Variants in TPO observed in about 807,000 individuals in gnomAD.
TPO encodes thyroid microsomal antigen.
A neutral mutation model predicts 96.9 loss-of-function variants in TPO; 78 were observed. The observed-to-expected ratio is 0.81, with a 90% CI of 0.67 to 0.97. The LOEUF is 0.97. TPO is among the 50% of genes least tolerant of loss of function. The pLI, the probability that TPO is intolerant of heterozygous loss-of-function variation, is 0.00. For synonymous variants in TPO, 547 were observed against 538.0 expected (o/e 1.02, Z -0.23); for missense variants, 1,252 against 1,274.8 (o/e 0.98, Z 0.27).
At chr2:1,412,529 A>G (rs140711551), upstream of TPO, among the ~76,000 whole-genome samples, 1 of 152,162 alleles carries the variant, frequency 6.6e-6, no homozygotes. Context: ...TGAGGGGAGA[A>G]TGTTAAAGGC....
chr2:1,421,387 A>C (rs953981410), intron 2 of TPO, among the ~76,000 whole-genome samples: 2 of 152,240 alleles, frequency 1.3e-5, no homozygotes, highest in Non-Finnish European at 2.9e-5. Context: ...CCTAAGATGT[A>C]ACTCTGCAGC....
At chr2:1,514,763 C>G (rs1378190951) in intron 14 of TPO, among the ~76,000 whole-genome samples, 1 of 152,200 alleles carries the variant, frequency 6.6e-6, no homozygotes, top group Non-Finnish European at 1.5e-5. Context: ...ATTGAAAATG[C>G]CAAGAAACAA....
intron 9 of TPO, among the ~76,000 whole-genome samples, chr2:1,487,081 G>A (rs1671239129): frequency 6.6e-6 from 1 of 152,236 alleles, no homozygotes; most frequent in Non-Finnish European, 1.5e-5. Flanking sequence ...ACAGGCCGTG[G>A]GGCCTGCTTT....
At chr2:1,413,701 T>C (rs1436710962) in intron 1 of TPO, 156 bp downstream of exon 1, 1 of 985,290 alleles carries the variant, frequency 1.0e-6, no homozygotes, top group Non-Finnish European at 1.2e-6. Context: ...GAGTGCTGTT[T>C]GCAATGACCT....
In TPO at chr2:1,477,623, G is replaced by T; in HGVS notation, c.1338+19G>T. The T allele has an allele frequency of 6.7e-7, 1 of 1,484,342 alleles. No homozygotes were observed. Among genetic ancestry groups the T allele is most frequent in the South Asian group, 1.3e-5 (1 of 76,598 alleles). 91.9% of individuals were successfully genotyped at this position (1,484,342 alleles called of 1,614,324 possible). ...GCACCAGGTGCGCGGGGTGGTCCTG[G>T]GCGCCCTGGGTGGCTGCGGGCAAAG... is the stretch of plus-strand genomic sequence containing the variant. On this transcript the variant is annotated intron_variant, in intron 8 of 16. Transcript: ENST00000329066.
At chr2:1,405,775 CT>C (rs1413171320) in intron 1 of TPO, among the ~76,000 whole-genome samples, 2 of 152,212 alleles carry the variant, frequency 1.3e-5, no homozygotes, top group Non-Finnish European at 2.9e-5. Context: ...CATGTTCACA[CT>C]TGTCAAGCAC....
chr2:1,416,310 T>C (rs899449204), intron 2 of TPO, among the ~76,000 whole-genome samples: 3 of 152,216 alleles, frequency 2.0e-5, no homozygotes, highest in Non-Finnish European at 2.9e-5. Flanking sequence ...ATTAATTACT[T>C]TGTTATTTTA....
intron 7 of TPO, among the ~76,000 whole-genome samples, chr2:1,457,351 T>G (rs1437093648): frequency 8.6e-6 from 1 of 116,884 alleles, no homozygotes; most frequent in African/African-American, 3.1e-5. Context: ...TGATAGTGTG[T>G]GGGCAGATGT....
chr2:1,504,943 G>A (rs1673250175), intron 14 of TPO, among the ~76,000 whole-genome samples: 2 of 152,324 alleles, frequency 1.3e-5, no homozygotes, highest in South Asian at 4.1e-4. Flanking sequence ...CTCAAATGCA[G>A]CAAAGGTAGC....
upstream of TPO, among the ~76,000 whole-genome samples, chr2:1,411,139 AC>A (rs1487883736): frequency 1.3e-5 from 2 of 152,126 alleles, no homozygotes; most frequent in Non-Finnish European, 2.9e-5. Context: ...CCATTCTCAG[AC>A]TTTTCTCCGC....
chr2:1,492,130 G>A (rs1453372195), intron 10 of TPO, among the ~76,000 whole-genome samples: 1 of 150,900 alleles, frequency 6.6e-6, no homozygotes, highest in African/African-American at 2.5e-5. Flanking sequence ...CCTGACAGCA[G>A]TTTTCTAAAA....
intron 15 of TPO, among the ~76,000 whole-genome samples, chr2:1,533,195 A>C (rs1678743049): frequency 3.2e-5 from 1 of 31,246 alleles, no homozygotes; most frequent in Non-Finnish European, 4.9e-5. Flanking sequence ...ACTGTGTGCA[A>C]TCTCCCCATA....
At chr2:1,374,470 T>C (rs1464395757) in intron 1 of TPO, 1 of 152,212 alleles carries the variant, frequency 6.6e-6, no homozygotes, top group Non-Finnish European at 1.5e-5. Context: ...GTTAATCTTT[T>C]GTTGTCATAC....
At chr2:1,403,068 G>C (rs1330007168) in intron 1 of TPO, among the ~76,000 whole-genome samples, 2 of 152,208 alleles carry the variant, frequency 1.3e-5, no homozygotes, top group Non-Finnish European at 2.9e-5. Flanking sequence ...TATGTTTTTA[G>C]AAAGATATAT....
intron 1 of TPO, among the ~76,000 whole-genome samples, chr2:1,402,484 G>A (rs2148376354): frequency 6.6e-6 from 1 of 152,234 alleles, no homozygotes; most frequent in Admixed American, 6.5e-5. Flanking sequence ...TTTCCTCAGT[G>A]AATTAGTCCA....
chr2:1,479,748 C>CTCCTCCTCG (rs1200842918), intron 8 of TPO, among the ~76,000 whole-genome samples: 2 of 149,094 alleles, frequency 1.3e-5, no homozygotes, highest in African/African-American at 2.4e-5. Context: ...CCTCCTTGTC[C>CTCCTCCTCG]TCCTCCTCGT....
chr2:1,526,002 CCA>C (rs1676385957), intron 15 of TPO, among the ~76,000 whole-genome samples: 2 of 141,340 alleles, frequency 1.4e-5, no homozygotes, highest in African/African-American at 2.7e-5. Flanking sequence ...CCCAAATCCC[CCA>C]CTGTGTGCAA....
chr2:1,527,640 T>C, intron 15 of TPO, among the ~76,000 whole-genome samples: 1 of 111,656 alleles, frequency 9.0e-6, no homozygotes, highest in South Asian at 3.2e-4. Context: ...CTCTGCAGAC[T>C]CCCCAAATCC....
chr2:1,450,864 A>T (rs1313711550), intron 5 of TPO, among the ~76,000 whole-genome samples: 3 of 152,204 alleles, frequency 2.0e-5, no homozygotes, highest in African/African-American at 7.2e-5. Flanking sequence ...ACCATAACGA[A>T]TCTGAACACT....
Sources: gnomAD v4.1 joint callset for allele counts (sites outside exome capture counted in the v4.1 genomes callset) on GRCh38, gnomAD v4.1.1 for gene constraint, MANE v1.5 for transcripts, NCBI Gene and HGNC (gene_info 2026-07-23, HGNC 2026-07-21) for gene names.